Variants in EEF1AKMT1 observed in about 807,000 individuals in gnomAD.
EEF1AKMT1 encodes the protein N-6 adenine-specific DNA methyltransferase 2 (putative).
In EEF1AKMT1, 18 loss-of-function variants were observed where a neutral mutation model predicts 21.0. That is an observed-to-expected ratio of 0.86 (90% CI 0.59 to 1.27). The LOEUF is 1.27. Ranked by LOEUF, EEF1AKMT1 falls within the 50% of genes most tolerant of loss-of-function variation. The pLI is 0.00. For synonymous variants in EEF1AKMT1, 109 were observed against 94.8 expected (o/e 1.15, Z -0.87); for missense variants, 246 against 258.6 (o/e 0.95, Z 0.33).
At chr13:20,747,013 G>A (rs1173435150) in intron 2 of EEF1AKMT1, 1 of 153,256 alleles carries the variant, frequency 6.5e-6, no homozygotes, top group African/African-American at 2.4e-5. Context: ...TAATAAATGG[G>A]CACATTTGTT....
chr13:20,738,213 C>T (rs1401056644), intron 2 of EEF1AKMT1, among the ~76,000 whole-genome samples: 4 of 152,218 alleles, frequency 2.6e-5, no homozygotes, highest in Admixed American at 6.5e-5. Context: ...AGAATGAGTT[C>T]ACTAACACCA....
At chr13:20,729,522 T>TA (rs1252652155) in intron 4 of EEF1AKMT1, among the ~76,000 whole-genome samples, 3 of 152,008 alleles carry the variant, frequency 2.0e-5, no homozygotes, top group Non-Finnish European at 4.4e-5. Context: ...TATATATATA[T>TA]ACACACATAT....
chr13:20,729,241 C>T lies in EEF1AKMT1; in HGVS notation c.509-25G>A, dbSNP rs756794092. ...CCTGAAGAGAACAAAGCAAATGAATCCAGAGAGTGACAACCCAGCCGGAGC... is the reference window on the plus strand; with the variant it reads ...CCTGAAGAGAACAAAGCAAATGAATTCAGAGAGTGACAACCCAGCCGGAGC... On this transcript the variant is annotated intron_variant, in intron 4 of 4. Coordinates refer to ENST00000382758, the MANE Select transcript of EEF1AKMT1 (RefSeq NM_001318939.2). The T allele has an allele frequency of 3.7e-6, 6 of 1,613,686 alleles. No homozygotes were observed. The African/African-American group carries it at 8.0e-5, about 22-fold the overall frequency.
chr13:20,751,072 T>C (rs1566534282), intron 2 of EEF1AKMT1, among the ~76,000 whole-genome samples: 1 of 152,222 alleles, frequency 6.6e-6, no homozygotes, highest in Non-Finnish European at 1.5e-5. Flanking sequence ...ATATTCTAGA[T>C]ACGAGTCCCT....
intron 4 of EEF1AKMT1, among the ~76,000 whole-genome samples, chr13:20,730,538 C>G (rs2058786803): frequency 6.6e-6 from 1 of 152,158 alleles, no homozygotes; most frequent in Non-Finnish European, 1.5e-5. Context: ...AATCTTGCTC[C>G]CTGCCCAGGC....
At chr13:20,765,992 T>G (rs1351252953) in intron 1 of EEF1AKMT1, among the ~76,000 whole-genome samples, 2 of 151,934 alleles carry the variant, frequency 1.3e-5, no homozygotes, top group African/African-American at 4.8e-5. Flanking sequence ...TATGAAAAGA[T>G]GCTCAAAATA....
chr13:20,773,150 T>C (rs2059070442), intron 1 of EEF1AKMT1, among the ~76,000 whole-genome samples: 1 of 152,182 alleles, frequency 6.6e-6, no homozygotes, highest in Non-Finnish European at 1.5e-5. Flanking sequence ...CTTTCCAGAA[T>C]TCTATTTATC....
At chr13:20,765,698 A>T (rs1209853897) in intron 1 of EEF1AKMT1, among the ~76,000 whole-genome samples, 1 of 151,462 alleles carries the variant, frequency 6.6e-6, no homozygotes, top group African/African-American at 2.4e-5. Flanking sequence ...GGCATGAGCC[A>T]CTGCGTCTGG....
chr13:20,752,829 TG>T (rs1452573373), intron 2 of EEF1AKMT1, among the ~76,000 whole-genome samples: 2 of 152,084 alleles, frequency 1.3e-5, no homozygotes, highest in Admixed American at 1.3e-4. Flanking sequence ...TTTTGTCTTT[TG>T]TTTTTTTTTC....
intron 2 of EEF1AKMT1, among the ~76,000 whole-genome samples, chr13:20,743,013 T>C (rs1397324206): frequency 8.0e-6 from 1 of 125,458 alleles, no homozygotes; most frequent in African/African-American, 2.6e-5. Context: ...TAGTTTTGAG[T>C]TGTTTTTCTA....
chr13:20,743,819 T>C (rs924886850), intron 2 of EEF1AKMT1, among the ~76,000 whole-genome samples: 1 of 152,078 alleles, frequency 6.6e-6, no homozygotes, highest in Non-Finnish European at 1.5e-5. Context: ...GAGGTATTTG[T>C]CCTAATGCTC....
At chr13:20,772,536 C>T (rs989030303) in intron 1 of EEF1AKMT1, among the ~76,000 whole-genome samples, 10 of 152,108 alleles carry the variant, frequency 6.6e-5, no homozygotes, top group African/African-American at 2.4e-4. Context: ...TTGAGAAATT[C>T]TAGGTTAGGC....
chr13:20,772,035 G>T (rs768285725), intron 1 of EEF1AKMT1, among the ~76,000 whole-genome samples: 13 of 151,504 alleles, frequency 8.6e-5, no homozygotes, highest in Admixed American at 2.6e-4. Context: ...TAAATTAAAT[G>T]AACCTATTTT....
intron 1 of EEF1AKMT1, among the ~76,000 whole-genome samples, chr13:20,765,890 C>T (rs1416469011): frequency 2.0e-5 from 3 of 151,822 alleles, no homozygotes; most frequent in Non-Finnish European, 4.4e-5. Context: ...TCAACCTTGT[C>T]ATGAGGGAAT....
chr13:20,753,654 T>G (rs779138907), intron 2 of EEF1AKMT1, among the ~76,000 whole-genome samples: 25 of 152,224 alleles, frequency 1.6e-4, no homozygotes, highest in Non-Finnish European at 2.9e-4. Flanking sequence ...AATTGATCCC[T>G]TTATCATTAT....
rs1016273108 is a variant in EEF1AKMT1, at chr13:20,753,729, G to A, written c.144+3726C>T. Among the ~76,000 whole-genome samples the A allele has an allele frequency of 7.7e-4, 117 of 152,146 alleles. 1 individual carries two copies. Among genetic ancestry groups the A allele is most frequent in the African/African-American group, 2.8e-3 (116 of 41,522 alleles). The stretch of plus-strand genomic sequence containing the variant: ...ATCTGCTTTATCTGATATAAGCACA[G>A]CTAGTCCTGCTTGTTTTTGGCTTCC... On this transcript the variant is annotated intron_variant, in intron 2 of 4. Transcript: ENST00000382758.
chr13:20,739,436 T>C (rs1011177247), intron 2 of EEF1AKMT1, among the ~76,000 whole-genome samples: 13 of 152,208 alleles, frequency 8.5e-5, no homozygotes, highest in African/African-American at 3.1e-4. Flanking sequence ...TACAGAGAGC[T>C]GATTGGTCTG....
chr13:20,737,194 T>C (rs1449477167), intron 3 of EEF1AKMT1, among the ~76,000 whole-genome samples: 2 of 151,910 alleles, frequency 1.3e-5, no homozygotes, highest in Non-Finnish European at 2.9e-5. Context: ...TGAAATCCCA[T>C]CTCTACTAAA....
chr13:20,759,351 G>A (rs767622739), intron 1 of EEF1AKMT1, among the ~76,000 whole-genome samples: 4 of 152,004 alleles, frequency 2.6e-5, no homozygotes, highest in Admixed American at 6.5e-5. Flanking sequence ...AGATGGAGGC[G>A]GGTGGATCAT....
Sources: allele counts gnomAD v4.1 joint callset (sites outside exome capture counted in the v4.1 genomes callset), GRCh38; gene constraint gnomAD v4.1.1; transcripts MANE v1.5; gene names NCBI Gene and HGNC (gene_info 2026-07-23, HGNC 2026-07-21).